GRIN2A: variants seen among roughly 807,000 people sequenced by gnomAD.
GRIN2A encodes the protein glutamate receptor ionotropic, NMDA 2A.
A neutral mutation model predicts 113.4 loss-of-function variants in GRIN2A; 22 were observed. The ratio of observed to expected loss-of-function variants is 0.19; its 90% CI spans 0.14 to 0.28. The LOEUF is 0.28. Ranked by LOEUF, GRIN2A falls within the 10% of genes least tolerant of loss-of-function variation. The probability of loss-of-function intolerance (pLI) is 1.00; values close to 1 mark genes in which losing one functional copy is unlikely to be tolerated. For synonymous variants in GRIN2A, 827 were observed against 738.4 expected (o/e 1.12, Z -1.94); for missense variants, 1,502 against 1,887.0 (o/e 0.80, Z 3.78).
chr16:10,013,432 C>T (rs745746363), intron 2 of GRIN2A, among the ~76,000 whole-genome samples: 1 of 152,236 alleles, frequency 6.6e-6, no homozygotes, highest in Non-Finnish European at 1.5e-5. Flanking sequence ...AGGGTCTGCT[C>T]TCAAGCACAG....
intron 4 of GRIN2A, among the ~76,000 whole-genome samples, chr16:9,867,421 C>A (rs1422971031): frequency 6.6e-6 from 1 of 152,148 alleles, no homozygotes; most frequent in Non-Finnish European, 1.5e-5. Context: ...CTATGGACAA[C>A]CCACATCACC....
rs367543126 is a variant in GRIN2A, at chr16:9,938,546, C to T, written c.420G>A (p.Pro140=). Residue 140 remains proline, a synonymous_variant, in exon 3 of 13, where the codon CCG becomes CCA. Coordinates refer to ENST00000330684, the MANE Select transcript of GRIN2A (RefSeq NM_001134407.3). ...CTCCAAACTGGAAGAAGGTAGACGT[C>T]GGATCCTGCCAGTGAAAAGAAAGTA... ...GASMIMADKD[P]TSTFFQFGAS... 40 of 1,602,522 alleles carry T rather than the reference C, an allele frequency of 2.5e-5. No homozygotes were observed. The highest frequency in any genetic ancestry group is 1.0e-4 in the Admixed American group (6 of 59,986).
At chr16:10,172,254 G>C (rs779423855) in intron 2 of GRIN2A, among the ~76,000 whole-genome samples, 2 of 152,200 alleles carry the variant, frequency 1.3e-5, no homozygotes, top group Non-Finnish European at 2.9e-5. Flanking sequence ...TTTGTCCAAG[G>C]TTTTCTTGGA....
chr16:9,924,126 A>C (rs895801376), intron 3 of GRIN2A, among the ~76,000 whole-genome samples: 4 of 151,040 alleles, frequency 2.6e-5, no homozygotes, highest in Admixed American at 6.6e-5. Context: ...AAAAAAAAAA[A>C]AAAAAAAAAA....
At chr16:9,969,925 C>T (rs1371566488) in intron 2 of GRIN2A, among the ~76,000 whole-genome samples, 1 of 152,246 alleles carries the variant, frequency 6.6e-6, no homozygotes, top group Non-Finnish European at 1.5e-5. Flanking sequence ...GGCACGCCTA[C>T]TCCCGCACGC....
chr16:9,912,897 C>CAGAT (rs992832305), intron 3 of GRIN2A, among the ~76,000 whole-genome samples: 50 of 152,296 alleles, frequency 3.3e-4, no homozygotes, highest in African/African-American at 1.2e-3. Context: ...GATTCCAAGG[C>CAGAT]AGATAATTCA....
intron 11 of GRIN2A, among the ~76,000 whole-genome samples, chr16:9,776,718 C>T (rs1480471360): frequency 6.6e-6 from 1 of 152,034 alleles, no homozygotes. Flanking sequence ...GCTGTGAACA[C>T]CGAGAGGGTA....
rs779911797 is a variant in GRIN2A, at chr16:9,768,903, C to T, written c.2543G>A (p.Cys848Tyr). The change falls in exon 12 of 13, where the codon TGT becomes TAT. Residue 848 changes from cysteine to tyrosine, a missense_variant. By Grantham distance (194) the Cys-to-Tyr change is radical (BLOSUM62 -2). Coordinates refer to ENST00000330684, the MANE Select transcript of GRIN2A (RefSeq NM_001134407.3). ...EHLFYWKLRF[C>Y]FTGVCSDRPG... ...CCGGTCGGAGCACACGCCCGTGAAA[C>T]AGAAGCGCAGCTTCCAGTAGAAGAG... 13 of 1,614,120 alleles carry T rather than the reference C, an allele frequency of 8.1e-6. No homozygotes were observed. Among genetic ancestry groups the T allele is most frequent in the African/African-American group, 2.7e-5 (2 of 74,944 alleles).
At chr16:10,088,568 A>C (rs552135375) in intron 2 of GRIN2A, among the ~76,000 whole-genome samples, 1 of 152,206 alleles carries the variant, frequency 6.6e-6, no homozygotes, top group African/African-American at 2.4e-5. Flanking sequence ...TCTGGGGAAC[A>C]TGCAGTTCTT....
chr16:10,076,441 G>C (rs112165068), intron 2 of GRIN2A, among the ~76,000 whole-genome samples: 2,152 of 152,262 alleles, frequency 0.014, 50 homozygotes, highest in African/African-American at 0.049. Context: ...CAAGAGCTCA[G>C]CAGGGTTAGG....
At chr16:9,976,067 T>C in intron 2 of GRIN2A, among the ~76,000 whole-genome samples, 1 of 152,240 alleles carries the variant, frequency 6.6e-6, no homozygotes, top group East Asian at 1.9e-4. Flanking sequence ...TCAACTTCCA[T>C]CACAGATATT....
chr16:10,027,423 A>G (rs975015934), intron 2 of GRIN2A: 11 of 152,304 alleles, frequency 7.2e-5, no homozygotes, highest in African/African-American at 2.7e-4. Context: ...TTCAGAAGCA[A>G]CATCCACAGC....
rs373952509 is a variant in GRIN2A, at chr16:10,039,808, G to GAGAGAGAGAGAGAGAGA, written c.415-101258_415-101257insTCTCTCTCTCTCTCTCT. 2.1e-3 allele frequency among the ~76,000 whole-genome samples: 136 copies of GAGAGAGAGAGAGAGAGA among 63,802 alleles called. 5 individuals carry two copies. Among genetic ancestry groups the GAGAGAGAGAGAGAGAGA allele is most frequent in the African/African-American group, 7.0e-3 (89 of 12,790 alleles). 41.9% of individuals were successfully genotyped at this position (63,802 alleles called of 152,430 possible). A position where few individuals can be genotyped will look rare whatever the true frequency, so the allele number is the denominator to read the frequency against. ...AGGGGGAGGGGGAGGGGGAGGGGGG[G>GAGAGAGAGAGAGAGAGA]GAGAAAGAGAGAGAGAGAGAGAGAG... is the stretch of plus-strand genomic sequence containing the variant. On this transcript the variant is annotated intron_variant, in intron 2 of 12. Coordinates refer to ENST00000330684, the MANE Select transcript of GRIN2A (RefSeq NM_001134407.3).
chr16:10,001,700 T>A (rs144272233), intron 2 of GRIN2A, among the ~76,000 whole-genome samples: 3 of 152,298 alleles, frequency 2.0e-5, no homozygotes, highest in African/African-American at 7.2e-5. Flanking sequence ...GGCCAGTGAA[T>A]CAGAATTGCA....
intron 2 of GRIN2A, among the ~76,000 whole-genome samples, chr16:10,060,853 G>A (rs962705496): frequency 2.0e-5 from 3 of 152,146 alleles, no homozygotes; most frequent in African/African-American, 7.2e-5. Context: ...CCACAACAGT[G>A]CAAGCCAAAA....
At position 9,757,358 on chromosome 16, in the gene GRIN2A, C is replaced by CT. The variant is rs74985384; in HGVS notation, c.*5790dup. The CT allele has an allele frequency of 0.013, 2,529 of 193,818 alleles. No individual in the cohort carries two copies. Among genetic ancestry groups the CT allele is most frequent in the Middle Eastern group, 0.027 (16 of 590 alleles). 12.0% of individuals were successfully genotyped at this position (193,818 alleles called of 1,614,324 possible). A position where few individuals can be genotyped will look rare whatever the true frequency, so the allele number is the denominator to read the frequency against. ...AGTTACTTAAAGGTTTAGGGAAGGA[C>CT]TTTTTTTTTTTTTTTAAAAAAGGTA... On this transcript the variant is annotated 3_prime_UTR_variant, in exon 13 of 13. Transcript: ENST00000330684.
At chr16:10,129,911 G>A (rs1416394128) in intron 2 of GRIN2A, among the ~76,000 whole-genome samples, 1 of 152,248 alleles carries the variant, frequency 6.6e-6, no homozygotes, top group Non-Finnish European at 1.5e-5. Flanking sequence ...GATTTCATAA[G>A]GAGTTGCAGT....
At chr16:9,907,606 G>C (rs1426547671) in intron 3 of GRIN2A, among the ~76,000 whole-genome samples, 1 of 152,018 alleles carries the variant, frequency 6.6e-6, no homozygotes, top group Non-Finnish European at 1.5e-5. Flanking sequence ...AATTTTACTA[G>C]ATATTATTTT....
At position 9,855,942 on chromosome 16, in the gene GRIN2A, C is replaced by G. The variant is rs929832152; in HGVS notation, c.1123-5981G>C. Among the ~76,000 whole-genome samples, 17 of 152,210 alleles carry G rather than the reference C, an allele frequency of 1.1e-4. 1 individual carries two copies. The highest frequency in any genetic ancestry group is 4.1e-4 in the African/African-American group (17 of 41,460). On this transcript the variant is annotated intron_variant, in intron 4 of 12. Coordinates refer to ENST00000330684, the MANE Select transcript of GRIN2A (RefSeq NM_001134407.3). ...TCTGAGGCTTTTCTCAAAGCTGGCT[C>G]TTCCTCATTCTCTAAAGAAGGGCAT...
Sources: allele counts gnomAD v4.1 joint callset (sites outside exome capture counted in the v4.1 genomes callset), GRCh38; gene constraint gnomAD v4.1.1; transcripts MANE v1.5; gene names NCBI Gene and HGNC (gene_info 2026-07-23, HGNC 2026-07-21).